The following PPTC7 variants were observed in gnomAD, a reference collection of about 807,000 sequenced individuals.
The protein encoded by PPTC7 is protein phosphatase targeting COQ7.
A neutral mutation model predicts 30.8 loss-of-function variants in PPTC7; 6 were observed. The ratio of observed to expected loss-of-function variants is 0.19; its 90% CI spans 0.11 to 0.38. The LOEUF (loss-of-function observed/expected upper bound fraction) is 0.38. Ranked by LOEUF, PPTC7 falls within the 10% of genes least tolerant of loss-of-function variation. The pLI is 1.00. For missense variants in PPTC7, 218 were observed against 404.8 expected, an observed-to-expected ratio of 0.54 and a Z score of 3.96; for synonymous variants, 163 against 168.1, an observed-to-expected ratio of 0.97 and a Z score of 0.23.
chr12:110,540,779 CT>C (rs781591348), intron 3 of PPTC7, among the ~76,000 whole-genome samples: 300 of 141,946 alleles, frequency 2.1e-3, no homozygotes, highest in Non-Finnish European at 1.9e-3. Context: ...ACATGCCAAT[CT>C]TTTTTTTTTT....
At chr12:110,578,676 C>T (rs531876537) in intron 1 of PPTC7, among the ~76,000 whole-genome samples, 3 of 152,238 alleles carry the variant, frequency 2.0e-5, no homozygotes, top group Admixed American at 1.3e-4. Flanking sequence ...ATCTGTTACA[C>T]GGATACTCAG....
chr12:110,575,607 C>CAAAAAAAAAAA (rs55831249), intron 1 of PPTC7, among the ~76,000 whole-genome samples: 1 of 26,520 alleles, frequency 3.8e-5, no homozygotes, highest in Non-Finnish European at 6.7e-5. Context: ...AACCCCACCT[C>CAAAAAAAAAAA]AAAAAAAAAA....
chr12:110,557,567 A>G (rs556435375), intron 1 of PPTC7, among the ~76,000 whole-genome samples: 2 of 152,316 alleles, frequency 1.3e-5, no homozygotes, highest in South Asian at 4.1e-4. Context: ...CATGAGCCAC[A>G]GGATCTGGCC....
chr12:110,565,770 TTAAAA>T (rs1201691883), intron 1 of PPTC7, among the ~76,000 whole-genome samples: 2 of 152,222 alleles, frequency 1.3e-5, no homozygotes, highest in Non-Finnish European at 2.9e-5. Flanking sequence ...ATATGGGAAC[TTAAAA>T]TGAAGTGATG....
intron 1 of PPTC7, among the ~76,000 whole-genome samples, chr12:110,554,053 A>G (rs1002699120): frequency 1.3e-5 from 2 of 152,170 alleles, no homozygotes; most frequent in African/African-American, 4.8e-5. Context: ...GGGTTTTGCC[A>G]TGTTGGCCAG....
At chr12:110,576,059 A>G (rs1183428946) in intron 1 of PPTC7, among the ~76,000 whole-genome samples, 1 of 152,106 alleles carries the variant, frequency 6.6e-6, no homozygotes, top group Non-Finnish European at 1.5e-5. Flanking sequence ...AATAGTCAGA[A>G]AGCCACTAGT....
intron 1 of PPTC7, among the ~76,000 whole-genome samples, chr12:110,570,560 T>C (rs2064525583): frequency 2.7e-5 from 1 of 37,492 alleles, no homozygotes; most frequent in Admixed American, 3.0e-4. Flanking sequence ...GGCAATGGAA[T>C]GTCTCGGTAT....
At chr12:110,553,949 C>T (rs1168972211) in intron 1 of PPTC7, among the ~76,000 whole-genome samples, 1 of 152,140 alleles carries the variant, frequency 6.6e-6, no homozygotes, top group Non-Finnish European at 1.5e-5. Context: ...GCAACCTCTG[C>T]CTCCCAGGTT....
intron 1 of PPTC7, among the ~76,000 whole-genome samples, chr12:110,568,543 C>T (rs1464296182): frequency 3.3e-5 from 5 of 152,178 alleles, no homozygotes; most frequent in East Asian, 1.9e-4. Context: ...TGAGCCACCA[C>T]GCCTGGCCCT....
intron 3 of PPTC7, among the ~76,000 whole-genome samples, chr12:110,540,316 C>A (rs958116951): frequency 9.1e-5 from 12 of 132,596 alleles, no homozygotes; most frequent in Admixed American, 5.0e-4. Flanking sequence ...TCCATCCCCC[C>A]CCGCCTTTTT....
At chr12:110,575,353 C>G (rs917068089) in intron 1 of PPTC7, among the ~76,000 whole-genome samples, 2 of 151,994 alleles carry the variant, frequency 1.3e-5, no homozygotes. Context: ...AAGCCCCAGG[C>G]AAGACCTCTC....
intron 1 of PPTC7, among the ~76,000 whole-genome samples, chr12:110,552,771 G>A (rs1394080888): frequency 1.3e-5 from 2 of 152,170 alleles, no homozygotes; most frequent in African/African-American, 2.4e-5. Context: ...GGCTGAGGGA[G>A]GAGATTGGTG....
rs1012121679 is a variant in PPTC7, at chr12:110,536,467, C to T, written c.*570G>A. On this transcript the variant is annotated 3_prime_UTR_variant, in exon 6 of 6. Coordinates refer to ENST00000354300, the MANE Select transcript of PPTC7 (RefSeq NM_139283.2). ...AACAAAAAAGCTTTTGGGATCAAAA[C>T]TGTATAACCCAGAGCAATGTTTTAG... is the stretch of plus-strand genomic sequence containing the variant. 6.6e-6 allele frequency: 1 copy of T among 152,202 alleles called. No individual in the cohort carries two copies. The highest frequency in any genetic ancestry group is 2.4e-5 in the African/African-American group (1 of 41,454). 9.4% of individuals were successfully genotyped at this position (152,202 alleles called of 1,614,324 possible).
chr12:110,551,325 G>C (rs536704310), intron 2 of PPTC7, among the ~76,000 whole-genome samples: 1 of 152,130 alleles, frequency 6.6e-6, no homozygotes, highest in South Asian at 2.1e-4. Context: ...GCAGTACTAC[G>C]TATTCTGGTT....
At chr12:110,563,615 C>CAA (rs199927043) in intron 1 of PPTC7, among the ~76,000 whole-genome samples, 9 of 123,032 alleles carry the variant, frequency 7.3e-5, no homozygotes, top group African/African-American at 1.1e-4. Context: ...AAATCTGTCT[C>CAA]AAAAAAAAAA....
At chr12:110,579,703 C>T (rs1220067745) in intron 1 of PPTC7, among the ~76,000 whole-genome samples, 1 of 152,116 alleles carries the variant, frequency 6.6e-6, no homozygotes, top group East Asian at 1.9e-4. Context: ...CAAAGGGTGC[C>T]ATCTATTCAA....
chr12:110,551,081 C>A (rs11065663), intron 2 of PPTC7, among the ~76,000 whole-genome samples: 24,639 of 152,130 alleles, frequency 0.16, 3,222 homozygotes, highest in African/African-American at 0.36. Context: ...TAAGTCGTTT[C>A]TTTTCACAAT....
In PPTC7 at chr12:110,583,050, G is replaced by C; in HGVS notation, c.-19C>G. 11 of 1,375,660 alleles carry C rather than the reference G, an allele frequency of 8.0e-6. No individual in the cohort carries two copies. Among genetic ancestry groups the C allele is most frequent in the Non-Finnish European group, 1.0e-5 (11 of 1,076,182 alleles). The allele number at this position is 1,375,660 out of a possible 1,614,324, so 85.2% of individuals were successfully genotyped here. On this transcript the variant is annotated 5_prime_UTR_variant, in exon 1 of 6. Transcript: ENST00000354300. ...AGAACATCGCCGCCGCCGCCCCCCCGAGGAGGCGGGGGGCCGGGGGAGCAG... is the reference window on the plus strand; with the variant it reads ...AGAACATCGCCGCCGCCGCCCCCCCCAGGAGGCGGGGGGCCGGGGGAGCAG...
Position 110,539,938 on chromosome 12 carries a change from C to T in PPTC7, c.610G>A (p.Ala204Thr), listed in dbSNP as rs758364791. Residue 204 changes from alanine (A) to threonine (T), a missense_variant, in exon 4 of 6, where the codon GCT becomes ACT. Coordinates refer to ENST00000354300, the MANE Select transcript of PPTC7 (RefSeq NM_139283.2). ...ACATCGAAAGACGTGCTATCAGCAG[C>T]ATCCGGACTGTGGCAAGGACAGGGG... The part of the protein sequence containing the change: ...EGVVLSDSPD[A>T]ADSTSFDVQL... 2.8e-5 allele frequency: 45 copies of T among 1,613,804 alleles called. No individual in the cohort carries two copies. Among genetic ancestry groups the T allele is most frequent in the Non-Finnish European group, 3.7e-5 (44 of 1,179,910 alleles).
Sources: gnomAD v4.1 joint callset for allele counts (sites outside exome capture counted in the v4.1 genomes callset) on GRCh38, gnomAD v4.1.1 for gene constraint, MANE v1.5 for transcripts, NCBI Gene and HGNC (gene_info 2026-07-23, HGNC 2026-07-21) for gene names.